Variants in CDH13 observed in about 807,000 individuals in gnomAD.
CDH13 encodes cadherin 13.
A neutral mutation model predicts 63.8 loss-of-function variants in CDH13; 24 were observed. The ratio of observed to expected loss-of-function variants is 0.38; its 90% CI spans 0.27 to 0.53. The LOEUF (loss-of-function observed/expected upper bound fraction) is 0.53. Among genes scored for constraint, CDH13 ranks in the 20% least tolerant of loss-of-function variants. CDH13 has a pLI of 0.85. For missense variants in CDH13, 1,049 were observed against 903.1 expected (o/e 1.16, Z -2.07); for synonymous variants, 503 against 355.3 (o/e 1.42, Z -4.67).
intron 2 of CDH13, among the ~76,000 whole-genome samples, chr16:82,876,845 T>A (rs1264262408): frequency 1.3e-5 from 2 of 152,158 alleles, no homozygotes; most frequent in Non-Finnish European, 2.9e-5. Flanking sequence ...TTACTGAGTT[T>A]GGAGAGGTAG....
chr16:83,151,410 G>A (rs531428225), intron 4 of CDH13, among the ~76,000 whole-genome samples: 1 of 152,294 alleles, frequency 6.6e-6, no homozygotes, highest in East Asian at 1.9e-4. Flanking sequence ...GCCAGTCACT[G>A]CTCCCTCCAG....
chr16:83,452,093 A>G (rs987291457), intron 6 of CDH13, among the ~76,000 whole-genome samples: 1 of 152,200 alleles, frequency 6.6e-6, no homozygotes, highest in African/African-American at 2.4e-5. Context: ...ACCGCCTGAG[A>G]TTACAGGACA....
intron 5 of CDH13, among the ~76,000 whole-genome samples, chr16:83,319,897 C>T (rs968533564): frequency 2.0e-5 from 3 of 152,178 alleles, no homozygotes; most frequent in African/African-American, 7.2e-5. Context: ...TTTTCAAAAG[C>T]CCAACGTAAA....
intron 11 of CDH13, among the ~76,000 whole-genome samples, chr16:83,764,835 C>T (rs1192326884): frequency 6.6e-6 from 1 of 152,198 alleles, no homozygotes; most frequent in Non-Finnish European, 1.5e-5. Flanking sequence ...CAATGGCCTC[C>T]ATGACAGTCC....
At chr16:82,653,447 A>C (rs1910958325) in intron 1 of CDH13, among the ~76,000 whole-genome samples, 1 of 152,166 alleles carries the variant, frequency 6.6e-6, no homozygotes, top group African/African-American at 2.4e-5. Context: ...CCTTCTGGGG[A>C]ATATATTTGA....
chr16:82,895,083 A>G (rs1049429852), intron 2 of CDH13, among the ~76,000 whole-genome samples: 1 of 152,206 alleles, frequency 6.6e-6, no homozygotes, highest in South Asian at 2.1e-4. Context: ...ACTCATTTTA[A>G]GGTGAACAAT....
chr16:83,396,918 C>T (rs527937960), intron 6 of CDH13, among the ~76,000 whole-genome samples: 1 of 152,256 alleles, frequency 6.6e-6, no homozygotes, highest in East Asian at 1.9e-4. Context: ...CTATCATTGT[C>T]CCAGGTTCCA....
chr16:82,804,838 T>A (rs926891380), intron 1 of CDH13, among the ~76,000 whole-genome samples: 4 of 152,220 alleles, frequency 2.6e-5, no homozygotes, highest in Non-Finnish European at 5.9e-5. Flanking sequence ...TAAAACATAT[T>A]AAGAAATTTA....
intron 1 of CDH13, among the ~76,000 whole-genome samples, chr16:82,751,593 C>T (rs2034417937): frequency 6.6e-6 from 1 of 151,962 alleles, no homozygotes; most frequent in Admixed American, 6.6e-5. Context: ...CCCCAGGTTC[C>T]TGGAAAGGTC....
chr16:82,948,413 C>A (rs929361513), intron 2 of CDH13, among the ~76,000 whole-genome samples: 3 of 152,134 alleles, frequency 2.0e-5, no homozygotes, highest in African/African-American at 7.2e-5. Flanking sequence ...CAATAGATTT[C>A]TCTTCTTCCC....
intron 7 of CDH13, among the ~76,000 whole-genome samples, chr16:83,525,829 G>C (rs1387445098): frequency 1.3e-5 from 2 of 152,130 alleles, no homozygotes; most frequent in East Asian, 1.9e-4. Context: ...AGAAGAGAAC[G>C]GGACAGATTG....
intron 11 of CDH13, among the ~76,000 whole-genome samples, chr16:83,757,858 G>C (rs1428276410): frequency 6.6e-6 from 1 of 151,972 alleles, no homozygotes; most frequent in Admixed American, 6.6e-5. Flanking sequence ...GCTGGGCATG[G>C]TAGCTAATGC....
intron 5 of CDH13, among the ~76,000 whole-genome samples, chr16:83,223,429 C>T (rs1292311205): frequency 2.0e-5 from 3 of 152,244 alleles, no homozygotes; most frequent in African/African-American, 7.2e-5. Flanking sequence ...CCCCACCTCC[C>T]AGCACCATTA....
intron 8 of CDH13, among the ~76,000 whole-genome samples, chr16:83,660,112 A>G (rs1380576930): frequency 6.6e-6 from 1 of 152,106 alleles, no homozygotes; most frequent in East Asian, 1.9e-4. Flanking sequence ...TGGCACCAGG[A>G]ACTGGTTTTG....
intron 3 of CDH13, among the ~76,000 whole-genome samples, chr16:83,083,046 C>T (rs1256782268): frequency 6.6e-6 from 1 of 152,104 alleles, no homozygotes; most frequent in Non-Finnish European, 1.5e-5. Flanking sequence ...GATCATGAAT[C>T]AGAATGATTC....
At chr16:82,962,762 C>G (rs922954518) in intron 2 of CDH13, among the ~76,000 whole-genome samples, 3 of 152,136 alleles carry the variant, frequency 2.0e-5, no homozygotes, top group Non-Finnish European at 1.5e-5. Context: ...TTTCAGATCT[C>G]AAGGTGTCAG....
chr16:83,544,375 A>G (rs2075346130), intron 7 of CDH13, among the ~76,000 whole-genome samples: 1 of 152,020 alleles, frequency 6.6e-6, no homozygotes, highest in South Asian at 2.1e-4. Flanking sequence ...TCAACTTACG[A>G]TGGGTTTATG....
At chr16:83,447,040 TG>T (rs139620216) in intron 6 of CDH13, among the ~76,000 whole-genome samples, 17,153 of 110,432 alleles carry the variant, frequency 0.16, 1,570 homozygotes, top group Middle Eastern at 0.26. Flanking sequence ...CCACCACCAC[TG>T]GTCACCCGTC....
intron 1 of CDH13, among the ~76,000 whole-genome samples, chr16:82,750,380 C>T (rs1283659316): frequency 2.0e-5 from 3 of 152,116 alleles, no homozygotes; most frequent in African/African-American, 7.2e-5. Flanking sequence ...GTGCCTCTAC[C>T]AGCCTCAATC....
Sources: gnomAD v4.1 joint callset for allele counts (sites outside exome capture counted in the v4.1 genomes callset) on GRCh38, gnomAD v4.1.1 for gene constraint, MANE v1.5 for transcripts, NCBI Gene and HGNC (gene_info 2026-07-23, HGNC 2026-07-21) for gene names.